Variants in SCAI observed in about 807,000 individuals in gnomAD.
SCAI encodes the protein protein SCAI.
In SCAI, 24 loss-of-function variants were observed where a neutral mutation model predicts 92.2. That is an observed-to-expected ratio of 0.26 (90% CI 0.19 to 0.37). SCAI has a LOEUF of 0.37. Among genes scored for constraint, SCAI ranks in the 10% least tolerant of loss-of-function variants. The pLI, the probability that SCAI is intolerant of heterozygous loss-of-function variation, is 1.00. For missense variants in SCAI, 450 were observed against 736.2 expected, an observed-to-expected ratio of 0.61 and a Z score of 4.50; for synonymous variants, 261 against 258.6, an observed-to-expected ratio of 1.01 and a Z score of -0.09.
chr9:125,056,781 G>A (rs1833676590), intron 2 of SCAI, among the ~76,000 whole-genome samples: 1 of 152,086 alleles, frequency 6.6e-6, no homozygotes, highest in African/African-American at 2.4e-5. Flanking sequence ...GACTAAAATG[G>A]TTAGGAATAC....
intron 13 of SCAI, among the ~76,000 whole-genome samples, chr9:124,999,087 A>C (rs1832304217): frequency 6.6e-6 from 1 of 151,986 alleles, no homozygotes; most frequent in Non-Finnish European, 1.5e-5. Context: ...CAATTAAAAA[A>C]ATAAAATAAA....
At chr9:125,051,786 G>A (rs1479661993) in intron 3 of SCAI, among the ~76,000 whole-genome samples, 1 of 152,128 alleles carries the variant, frequency 6.6e-6, no homozygotes, top group East Asian at 1.9e-4. Flanking sequence ...AACTCAAAAT[G>A]GGCTGGGAAT....
At chr9:125,000,663 T>TA (rs1832341080) in intron 12 of SCAI, among the ~76,000 whole-genome samples, 1 of 151,926 alleles carries the variant, frequency 6.6e-6, no homozygotes, top group South Asian at 2.1e-4. Flanking sequence ...AATGAAATCT[T>TA]AGTCTCATAA....
intron 9 of SCAI, among the ~76,000 whole-genome samples, chr9:125,008,211 T>C (rs1253729660): frequency 6.6e-6 from 1 of 151,856 alleles, no homozygotes; most frequent in Non-Finnish European, 1.5e-5. Flanking sequence ...GTGGCACGAA[T>C]TTGTCTCATT....
At chr9:125,108,361 G>C (rs1470553368) in intron 2 of SCAI, among the ~76,000 whole-genome samples, 1 of 150,686 alleles carries the variant, frequency 6.6e-6, no homozygotes, top group Non-Finnish European at 1.5e-5. Flanking sequence ...GCCTCTTCCC[G>C]GCCGCCATCC....
intron 2 of SCAI, among the ~76,000 whole-genome samples, chr9:125,089,915 C>T (rs1260354918): frequency 6.6e-6 from 1 of 152,076 alleles, no homozygotes; most frequent in Non-Finnish European, 1.5e-5. Flanking sequence ...AAACATTTGG[C>T]CCATTTCCAA....
chr9:125,065,879 C>T lies in SCAI; in HGVS notation c.99-9872G>A, dbSNP rs1301854479. On this transcript the variant is annotated intron_variant, in intron 2 of 17. Coordinates refer to ENST00000336505, the MANE Select transcript of SCAI (RefSeq NM_001144877.3). ...ACAACTCACATTTGGTAAAATTTAA[C>T]ATTGGCTCACAATTAAGAAAAAGAA... 31 of 614,368 alleles carry T rather than the reference C, an allele frequency of 5.0e-5. No individual in the cohort carries two copies. The East Asian group carries it at 7.0e-4, about 14-fold the overall frequency. The allele number at this position is 614,368 out of a possible 1,614,324, so 38.1% of individuals were successfully genotyped here. A position where few individuals can be genotyped will look rare whatever the true frequency, so the allele number is the denominator to read the frequency against.
At chr9:125,132,476 C>T (rs1835423743) in intron 2 of SCAI, among the ~76,000 whole-genome samples, 1 of 152,142 alleles carries the variant, frequency 6.6e-6, no homozygotes, top group Admixed American at 6.6e-5. Context: ...ATTTGCATGA[C>T]TTGGATCACC....
intron 2 of SCAI, among the ~76,000 whole-genome samples, chr9:125,057,195 T>C (rs1164146551): frequency 1.3e-5 from 2 of 152,144 alleles, no homozygotes; most frequent in East Asian, 3.8e-4. Flanking sequence ...TTTTAATAGA[T>C]GGACTGAAGA....
chr9:125,105,692 T>C (rs1026749980), intron 2 of SCAI, among the ~76,000 whole-genome samples: 11 of 152,228 alleles, frequency 7.2e-5, no homozygotes, highest in African/African-American at 2.7e-4. Flanking sequence ...TTTCCACGTT[T>C]GGCATAGAGA....
At chr9:125,108,560 C>T (rs1417744713) in intron 2 of SCAI, among the ~76,000 whole-genome samples, 2 of 141,946 alleles carry the variant, frequency 1.4e-5, no homozygotes, top group Admixed American at 7.0e-5. Flanking sequence ...TCTGCCCAGC[C>T]GCCCCGTCTG....
chr9:125,060,309 A>C (rs1002964523), intron 2 of SCAI, among the ~76,000 whole-genome samples: 2 of 152,124 alleles, frequency 1.3e-5, no homozygotes, highest in Non-Finnish European at 2.9e-5. Flanking sequence ...GAAACTGATA[A>C]AGACATATGG....
intron 2 of SCAI, among the ~76,000 whole-genome samples, chr9:125,062,134 T>A (rs1833780087): frequency 6.6e-6 from 1 of 151,970 alleles, no homozygotes; most frequent in African/African-American, 2.4e-5. Context: ...CTCTAGATTT[T>A]TTTTTTTTGG....
intron 2 of SCAI, among the ~76,000 whole-genome samples, chr9:125,088,692 G>T (rs1435886799): frequency 2.0e-5 from 3 of 152,108 alleles, no homozygotes; most frequent in Non-Finnish European, 4.4e-5. Flanking sequence ...TGCCCATGCT[G>T]GTCTTGAACT....
intron 3 of SCAI, among the ~76,000 whole-genome samples, chr9:125,044,374 T>C (rs1341991101): frequency 6.6e-6 from 1 of 152,064 alleles, no homozygotes; most frequent in Non-Finnish European, 1.5e-5. Context: ...TGGGATGACA[T>C]GCCTACAGAA....
intron 2 of SCAI, among the ~76,000 whole-genome samples, chr9:125,106,968 GC>G (rs1834815177): frequency 6.6e-6 from 1 of 150,640 alleles, no homozygotes; most frequent in Admixed American, 6.6e-5. Flanking sequence ...TCCTGCCTCA[GC>G]CTCCCAAAGT....
intron 2 of SCAI, 168 bp downstream of exon 2, chr9:125,142,465 T>A (rs1452025027): frequency 1.6e-5 from 9 of 555,794 alleles, no homozygotes; most frequent in Non-Finnish European, 1.9e-5. Flanking sequence ...ACTGTAGAGG[T>A]AGTAATTTGA....
At chr9:125,096,962 C>A (rs1433105410) in intron 2 of SCAI, among the ~76,000 whole-genome samples, 1 of 152,102 alleles carries the variant, frequency 6.6e-6, no homozygotes, top group Non-Finnish European at 1.5e-5. Context: ...TATAACTTAA[C>A]GTTTAAATAA....
chr9:124,963,289 C>A (rs1273671542), intron 17 of SCAI, among the ~76,000 whole-genome samples: 1 of 151,432 alleles, frequency 6.6e-6, no homozygotes, highest in Non-Finnish European at 1.5e-5. Flanking sequence ...GGTGCTCACA[C>A]CATGCTCGGC....
Sources: allele counts gnomAD v4.1 joint callset (sites outside exome capture counted in the v4.1 genomes callset), GRCh38; gene constraint gnomAD v4.1.1; transcripts MANE v1.5; gene names NCBI Gene and HGNC (gene_info 2026-07-23, HGNC 2026-07-21).